MTHFD2L: variants seen among roughly 807,000 people sequenced by gnomAD.
MTHFD2L encodes methylenetetrahydrofolate dehydrogenase (NADP+ dependent) 2 like.
A neutral mutation model predicts 34.9 loss-of-function variants in MTHFD2L; 29 were observed. The observed-to-expected ratio is 0.83, with a 90% CI of 0.62 to 1.13. The LOEUF (loss-of-function observed/expected upper bound fraction) is 1.13, where lower values mean the gene tolerates loss of function less well. Ranked by LOEUF, MTHFD2L falls within the 50% of genes most tolerant of loss-of-function variation. MTHFD2L has a pLI of 0.00. For missense variants in MTHFD2L, 481 were observed against 446.5 expected (o/e 1.08, Z -0.70); for synonymous variants, 167 against 155.7 (o/e 1.07, Z -0.54).
At chr4:74,271,804 A>C (rs1746028388) in intron 6 of MTHFD2L, among the ~76,000 whole-genome samples, 2 of 152,206 alleles carry the variant, frequency 1.3e-5, no homozygotes, top group Admixed American at 1.3e-4. Flanking sequence ...ATCCATGAGC[A>C]TGGAATGTTC....
intron 3 of MTHFD2L, among the ~76,000 whole-genome samples, chr4:74,191,214 T>C (rs9991775): frequency 0.99 from 150,919 of 152,316 alleles, 74,783 homozygotes; most frequent in Middle Eastern, 1. Flanking sequence ...CTGTGCCTGG[T>C]CCTCACTTAT....
intron 5 of MTHFD2L, among the ~76,000 whole-genome samples, chr4:74,205,237 A>G (rs971030009): frequency 2.0e-5 from 3 of 152,166 alleles, no homozygotes; most frequent in Non-Finnish European, 2.9e-5. Flanking sequence ...AGTCTGTGGG[A>G]AAGTTAATAT....
chr4:74,167,252 G>A (rs1726913813), intron 1 of MTHFD2L, among the ~76,000 whole-genome samples: 2 of 152,196 alleles, frequency 1.3e-5, no homozygotes, highest in African/African-American at 4.8e-5. Flanking sequence ...GGCCATGCCG[G>A]ATGGCCCATC....
intron 6 of MTHFD2L, among the ~76,000 whole-genome samples, chr4:74,272,019 T>C (rs889043243): frequency 6.6e-5 from 10 of 152,176 alleles, no homozygotes; most frequent in African/African-American, 2.4e-4. Flanking sequence ...ATGTTGATGA[T>C]AATACCAAAG....
intron 1 of MTHFD2L, chr4:74,164,902 T>A: frequency 1.1e-6 from 1 of 918,562 alleles, no homozygotes; most frequent in Non-Finnish European, 1.3e-6. Flanking sequence ...GAGGGCACCT[T>A]TTCTTGCCTT....
intron 6 of MTHFD2L, among the ~76,000 whole-genome samples, chr4:74,249,271 A>G (rs1379914201): frequency 1.3e-5 from 2 of 151,356 alleles, no homozygotes; most frequent in East Asian, 3.9e-4. Flanking sequence ...TTGTTGGTTT[A>G]AAGTCTGTTT....
chr4:74,294,879 G>T (rs1749440803), intron 7 of MTHFD2L, among the ~76,000 whole-genome samples: 1 of 152,204 alleles, frequency 6.6e-6, no homozygotes, highest in South Asian at 2.1e-4. Context: ...AGAGAACACG[G>T]AAGATTAGAC....
intron 5 of MTHFD2L, among the ~76,000 whole-genome samples, chr4:74,207,174 A>G (rs1043280138): frequency 6.6e-6 from 1 of 152,122 alleles, no homozygotes; most frequent in Non-Finnish European, 1.5e-5. Context: ...TGTTGAGATT[A>G]CAGACGTGAG....
At chr4:74,294,138 G>A (rs941839635) in intron 7 of MTHFD2L, among the ~76,000 whole-genome samples, 4 of 152,096 alleles carry the variant, frequency 2.6e-5, no homozygotes, top group East Asian at 1.9e-4. Flanking sequence ...CTATAGGAAC[G>A]TGAGACATCA....
chr4:74,123,651 T>C (rs1259191424), upstream of MTHFD2L, among the ~76,000 whole-genome samples: 1 of 152,164 alleles, frequency 6.6e-6, no homozygotes, highest in African/African-American at 2.4e-5. Context: ...AATTTTTTTA[T>C]GTAACTTAGA....
chr4:74,221,189 CTAAT>C (rs1424662845), intron 5 of MTHFD2L, among the ~76,000 whole-genome samples: 3 of 150,546 alleles, frequency 2.0e-5, no homozygotes, highest in African/African-American at 7.3e-5. Context: ...TATAGTCTAT[CTAAT>C]TATTTACTTT....
chr4:74,287,162 C>T (rs757296546), intron 7 of MTHFD2L, among the ~76,000 whole-genome samples: 5 of 152,094 alleles, frequency 3.3e-5, no homozygotes, highest in South Asian at 4.2e-4. Context: ...ACTCCTCTAG[C>T]GCAACTGACA....
intron 5 of MTHFD2L, 74 bp downstream of exon 5, chr4:74,201,444 G>A: frequency 1.9e-6 from 2 of 1,062,838 alleles, no homozygotes; most frequent in Non-Finnish European, 2.8e-6. Context: ...AAACACTTTT[G>A]ATAATGCAGC....
At chr4:74,140,326 TA>T in intron 1 of MTHFD2L, 1 of 165,194 alleles carries the variant, frequency 6.1e-6, no homozygotes, top group African/African-American at 2.4e-5. Flanking sequence ...ATATAAAAGA[TA>T]AAAAAATGAA....
At chr4:74,231,226 C>G (rs1328554864) in intron 6 of MTHFD2L, among the ~76,000 whole-genome samples, 2 of 152,130 alleles carry the variant, frequency 1.3e-5, no homozygotes, top group African/African-American at 2.4e-5. Flanking sequence ...CACCACTTCT[C>G]CAATCATATT....
At chr4:74,183,204 A>T (rs1480387117) in intron 3 of MTHFD2L, 1 of 152,190 alleles carries the variant, frequency 6.6e-6, no homozygotes, top group East Asian at 1.9e-4. Context: ...AAGACAATAG[A>T]ACAATATCTT....
At chr4:74,262,262 TA>T (rs1744771398) in intron 6 of MTHFD2L, among the ~76,000 whole-genome samples, 1 of 151,754 alleles carries the variant, frequency 6.6e-6, no homozygotes, top group African/African-American at 2.4e-5. Context: ...GAACATAAAT[TA>T]AAAACAACAA....
At chr4:74,132,177 T>G (rs1166882779) in intron 1 of MTHFD2L, among the ~76,000 whole-genome samples, 2 of 152,160 alleles carry the variant, frequency 1.3e-5, no homozygotes, top group Non-Finnish European at 2.9e-5. Context: ...TGGAAGACAA[T>G]GTAGCGATTC....
At chr4:74,199,268 GAT>G (rs1165860076) in intron 3 of MTHFD2L, among the ~76,000 whole-genome samples, 4 of 152,038 alleles carry the variant, frequency 2.6e-5, no homozygotes, top group East Asian at 1.9e-4. Flanking sequence ...TTAGAGAAAA[GAT>G]GTGTGTGTGT....
Sources: allele counts gnomAD v4.1 joint callset (sites outside exome capture counted in the v4.1 genomes callset), GRCh38; gene constraint gnomAD v4.1.1; transcripts MANE v1.5; gene names NCBI Gene and HGNC (gene_info 2026-07-23, HGNC 2026-07-21).